The following SAMD3 variants were observed in gnomAD, a reference collection of about 807,000 sequenced individuals.
SAMD3 encodes sterile alpha motif domain containing 3, also known as sterile alpha motif domain-containing protein 3.
In SAMD3, 63 loss-of-function variants were observed where a neutral mutation model predicts 58.5. That is an observed-to-expected ratio of 1.08 (90% CI 0.88 to 1.33). SAMD3 has a LOEUF of 1.33. SAMD3 is among the 40% of genes most tolerant of loss of function. SAMD3 has a pLI of 0.00. For synonymous variants in SAMD3, 220 were observed against 210.3 expected (o/e 1.05, Z -0.40); for missense variants, 604 against 608.4 (o/e 0.99, Z 0.08).
upstream of SAMD3, among the ~76,000 whole-genome samples, chr6:130,227,276 A>G (rs1426124486): frequency 1.3e-5 from 2 of 152,098 alleles, no homozygotes; most frequent in East Asian, 3.9e-4. Flanking sequence ...TTCAAGGTTC[A>G]TTCATGTAGC....
chr6:130,157,905 C>G (rs78615861), intron 8 of SAMD3, among the ~76,000 whole-genome samples: 1 of 150,438 alleles, frequency 6.6e-6, no homozygotes, highest in East Asian at 1.9e-4. Flanking sequence ...TTCTAACATA[C>G]GCTAACATAG....
intron 5 of SAMD3, among the ~76,000 whole-genome samples, chr6:130,194,861 T>C (rs557042909): frequency 4.6e-5 from 7 of 152,202 alleles, no homozygotes; most frequent in Non-Finnish European, 1.5e-5. Context: ...CCATCACAGA[T>C]GCTCTAGGTA....
At chr6:130,273,309 T>C (rs6911840) in intron 2 of SAMD3, among the ~76,000 whole-genome samples, 47,050 of 151,788 alleles carry the variant, frequency 0.31, 7,622 homozygotes, top group East Asian at 0.47. Context: ...AGAAGTATAG[T>C]CACCTCTGCT....
At chr6:130,228,484 A>T (rs745855119) in intron 2 of SAMD3, among the ~76,000 whole-genome samples, 1 of 152,120 alleles carries the variant, frequency 6.6e-6, no homozygotes, top group Non-Finnish European at 1.5e-5. Context: ...CTGCAAGTTA[A>T]TCTCCAGGGG....
At chr6:130,227,855 A>G (rs574550305), upstream of SAMD3, among the ~76,000 whole-genome samples, 52 of 152,126 alleles carry the variant, frequency 3.4e-4, no homozygotes, top group African/African-American at 1.2e-3. Flanking sequence ...CTGCTGCAGC[A>G]TTAGCAGACA....
chr6:130,244,131 T>C (rs1286130242), intron 2 of SAMD3, among the ~76,000 whole-genome samples: 1 of 152,244 alleles, frequency 6.6e-6, no homozygotes, highest in African/African-American at 2.4e-5. Flanking sequence ...TACATTTTAA[T>C]TGGGCTATGT....
At chr6:130,354,115 A>G (rs1777757859) in intron 1 of SAMD3, among the ~76,000 whole-genome samples, 1 of 152,200 alleles carries the variant, frequency 6.6e-6, no homozygotes, top group African/African-American at 2.4e-5. Flanking sequence ...AATCAAAACC[A>G]CAGTGAGATA....
At chr6:130,344,431 G>A (rs1777377738) in intron 1 of SAMD3, among the ~76,000 whole-genome samples, 1 of 152,116 alleles carries the variant, frequency 6.6e-6, no homozygotes, top group Non-Finnish European at 1.5e-5. Flanking sequence ...GCCCAGGCTG[G>A]AGTGCAGCGA....
At position 130,323,444 on chromosome 6, in the gene SAMD3, AT is replaced by A. The variant is rs146122392; in HGVS notation, c.-303-10352del. Among the ~76,000 whole-genome samples, 431 of 147,904 alleles carry A rather than the reference AT, an allele frequency of 2.9e-3. 3 individuals are homozygous for A. Among genetic ancestry groups the A allele is most frequent in the African/African-American group, 7.4e-3 (301 of 40,436 alleles). On this transcript the variant is annotated intron_variant, in intron 1 of 13. Transcript: ENST00000368134. ...AATATTTTGCAAGGTAAAATTTCCA[AT>A]TTTTTTTTTTTTTGTATGATGAGTG...
rs141249711 is a variant in SAMD3 at position 130,348,708 on chromosome 6, C to T, written c.-304+16412G>A. Among the ~76,000 whole-genome samples, 24 of 152,324 alleles carry T rather than the reference C, an allele frequency of 1.6e-4. No homozygotes were observed. The East Asian group carries it at 3.5e-3, about 22-fold the overall frequency. On this transcript the variant is annotated intron_variant, in intron 1 of 13. Transcript: ENST00000368134. ...AACAAGGATATCCAGGAACTGAACT[C>T]AGCTCTGCAGCAAGCGGACCTAATA...
At chr6:130,280,106 G>A (rs1032148151) in intron 2 of SAMD3, among the ~76,000 whole-genome samples, 22 of 152,034 alleles carry the variant, frequency 1.4e-4, no homozygotes, top group Admixed American at 1.2e-3. Flanking sequence ...AAACTCAAAT[G>A]TTTTCTGTTG....
intron 1 of SAMD3, among the ~76,000 whole-genome samples, chr6:130,315,350 T>G (rs1273699164): frequency 6.6e-6 from 1 of 152,166 alleles, no homozygotes; most frequent in African/African-American, 2.4e-5. Context: ...GGAATAATTT[T>G]CATAAGAACC....
At chr6:130,145,797 C>CT (rs1056775688) in intron 10 of SAMD3, among the ~76,000 whole-genome samples, 6 of 151,780 alleles carry the variant, frequency 4.0e-5, no homozygotes, top group South Asian at 4.2e-4. Context: ...TGGAAAAATT[C>CT]TTTTTTTTCC....
intron 2 of SAMD3, among the ~76,000 whole-genome samples, chr6:130,279,846 C>G (rs12199011): frequency 6.6e-6 from 1 of 152,062 alleles, no homozygotes. Flanking sequence ...TTGTGAGAAA[C>G]GGACTAATAC....
At chr6:130,275,198 T>C (rs1439937015) in intron 2 of SAMD3, among the ~76,000 whole-genome samples, 4 of 152,190 alleles carry the variant, frequency 2.6e-5, no homozygotes, top group Non-Finnish European at 5.9e-5. Flanking sequence ...CTCCTGTATT[T>C]CCTGTAGACA....
At chr6:130,306,677 C>A (rs548138230) in intron 2 of SAMD3, among the ~76,000 whole-genome samples, 1 of 152,316 alleles carries the variant, frequency 6.6e-6, no homozygotes, top group Non-Finnish European at 1.5e-5. Context: ...AGCTTGCAGA[C>A]TTCCAGCCCC....
intron 2 of SAMD3, among the ~76,000 whole-genome samples, chr6:130,288,240 C>A (rs965346358): frequency 3.9e-5 from 6 of 152,106 alleles, no homozygotes; most frequent in African/African-American, 9.7e-5. Flanking sequence ...ATTGTGGGGG[C>A]TGGCAAGTCT....
chr6:130,319,564 A>G (rs1776512414), intron 1 of SAMD3, among the ~76,000 whole-genome samples: 1 of 152,154 alleles, frequency 6.6e-6, no homozygotes. Flanking sequence ...TCTTGCAAAA[A>G]TGAAGGTACA....
intron 2 of SAMD3, among the ~76,000 whole-genome samples, chr6:130,250,053 G>A (rs1465217361): frequency 6.6e-6 from 1 of 152,140 alleles, no homozygotes; most frequent in Non-Finnish European, 1.5e-5. Context: ...TAGGAAATAT[G>A]CGGGAATGGA....
Sources: allele counts gnomAD v4.1 joint callset (sites outside exome capture counted in the v4.1 genomes callset), GRCh38; gene constraint gnomAD v4.1.1; transcripts MANE v1.5; gene names NCBI Gene and HGNC (gene_info 2026-07-23, HGNC 2026-07-21).